Variants in FGF5 observed in about 807,000 individuals in gnomAD.
FGF5 encodes the protein fibroblast growth factor 5.
Under a neutral mutation model 21.8 loss-of-function variants are expected in FGF5, and 23 were observed. The ratio of observed to expected loss-of-function variants is 1.05; its 90% confidence interval spans 0.76 to 1.49. The LOEUF (loss-of-function observed/expected upper bound fraction) is 1.49. FGF5 is among the 40% of genes most tolerant of loss of function. FGF5 has a pLI of 0.00. For synonymous variants in FGF5, 158 were observed against 124.0 expected (o/e 1.27, Z -1.82); for missense variants, 352 against 332.9 (o/e 1.06, Z -0.45).
At position 80,267,145 on chromosome 4, in the gene FGF5, C is replaced by T; in HGVS notation, c.321C>T (p.Gly107=). 3 of 1,612,440 alleles carry T rather than the reference C, an allele frequency of 1.9e-6. No individual in the cohort carries two copies. The highest frequency in any genetic ancestry group is 1.1e-5 in the South Asian group (1 of 90,872). ...TCCATCTGCAGATCTACCCGGATGG[C>T]AAAGTCAATGGATCCCACGAAGCCA... ...IGFHLQIYPD[G]KVNGSHEANM... is the part of the protein sequence containing the mutation. The change falls in exon 1 of 3, where the codon GGC becomes GGT. Residue 107 remains glycine, a synonymous_variant. Transcript: ENST00000312465.
At chr4:80,276,676 A>G (rs1193107971) in intron 2 of FGF5, among the ~76,000 whole-genome samples, 2 of 151,586 alleles carry the variant, frequency 1.3e-5, no homozygotes, top group African/African-American at 4.8e-5. Flanking sequence ...CCAAAGTCCA[A>G]TGTATCATTC....
At chr4:80,275,186 A>T (rs895770925) in intron 2 of FGF5, among the ~76,000 whole-genome samples, 174 bp downstream of exon 2, 3 of 152,158 alleles carry the variant, frequency 2.0e-5, no homozygotes, top group African/African-American at 7.2e-5. Context: ...TAATAATTTA[A>T]ATATTTAATT....
rs770531227 is a variant in FGF5, at chr4:80,266,881, G to A, written c.57G>A (p.Trp19Ter). ...LFFSHLILSA[W>*]AHGEKRLAPK... ...TCAGCCACCTGATCCTCAGCGCCTG[G>A]GCTCACGGGGAGAAGCGTCTCGCCC... Residue 19 changes from tryptophan to a stop codon, truncating the protein, a stop_gained, in exon 1 of 3, where the codon TGG becomes TGA. Coordinates refer to ENST00000312465, the MANE Select transcript of FGF5 (RefSeq NM_004464.4). LOFTEE classifies it high-confidence loss of function. The A allele has an allele frequency of 6.2e-7, 1 of 1,612,590 alleles. No homozygotes were observed. The highest frequency in any genetic ancestry group is 8.5e-7 in the Non-Finnish European group (1 of 1,179,358).
chr4:80,275,624 A>G (rs28737258), intron 2 of FGF5, among the ~76,000 whole-genome samples: 1,969 of 152,112 alleles, frequency 0.013, 42 homozygotes, highest in African/African-American at 0.045. Flanking sequence ...ATTTATTCAG[A>G]CCAGTTTTAT....
intron 2 of FGF5, among the ~76,000 whole-genome samples, chr4:80,280,702 A>G (rs36066020): frequency 0.012 from 1,832 of 152,270 alleles, 38 homozygotes; most frequent in African/African-American, 0.039. Context: ...TATGTAAACC[A>G]CCTGACACAG....
chr4:80,281,042 G>A (rs1720538694), intron 2 of FGF5, among the ~76,000 whole-genome samples: 1 of 152,000 alleles, frequency 6.6e-6, no homozygotes, highest in Non-Finnish European at 1.5e-5. Context: ...GTATTTTGTT[G>A]GTTGCTCAGT....
intron 2 of FGF5, among the ~76,000 whole-genome samples, chr4:80,279,144 A>G (rs1488435227): frequency 6.6e-6 from 1 of 152,184 alleles, no homozygotes; most frequent in Non-Finnish European, 1.5e-5. Flanking sequence ...CTTGAGTGTG[A>G]TGGTAAAGAC....
At chr4:80,280,675 C>T (rs1720528050) in intron 2 of FGF5, among the ~76,000 whole-genome samples, 1 of 152,154 alleles carries the variant, frequency 6.6e-6, no homozygotes, top group African/African-American at 2.4e-5. Context: ...CATGGAATTA[C>T]TGTGAGTTAA....
intron 2 of FGF5, among the ~76,000 whole-genome samples, chr4:80,277,797 A>G (rs1420150250): frequency 2.6e-5 from 4 of 152,126 alleles, no homozygotes; most frequent in African/African-American, 9.6e-5. Flanking sequence ...TAAAATATTA[A>G]TAGAATTCTG....
At position 80,287,683 on chromosome 4, in the gene FGF5, C is replaced by G. The variant is rs1373790492; in HGVS notation, c.*1011C>G. On this transcript the variant is annotated 3_prime_UTR_variant, in exon 3 of 3. Coordinates refer to ENST00000312465, the MANE Select transcript of FGF5 (RefSeq NM_004464.4). Reference sequence around the variant, plus strand: ...AATACTTCTATGACTCTCTGCTATCCCACTGTATAGATCCACAGGGAGCAA... The same window carrying G: ...AATACTTCTATGACTCTCTGCTATCGCACTGTATAGATCCACAGGGAGCAA... 6.6e-6 allele frequency: 1 copy of G among 152,094 alleles called. No individual in the cohort carries two copies. The highest frequency in any genetic ancestry group is 1.5e-5 in the Non-Finnish European group (1 of 68,018). The allele number at this position is 152,094 out of a possible 1,614,324, so 9.4% of individuals were successfully genotyped here.
At chr4:80,268,572 A>C in intron 1 of FGF5, 1 of 973,768 alleles carries the variant, frequency 1.0e-6, no homozygotes, top group Non-Finnish European at 1.2e-6. Context: ...CAAGTGGGTA[A>C]GGCGGTAGGC....
intron 1 of FGF5, among the ~76,000 whole-genome samples, chr4:80,271,539 A>C (rs1036629264): frequency 6.6e-6 from 1 of 152,154 alleles, no homozygotes; most frequent in Non-Finnish European, 1.5e-5. Flanking sequence ...GTGCCTTCTC[A>C]AGCAGGAGAA....
intron 2 of FGF5, among the ~76,000 whole-genome samples, chr4:80,282,944 T>C (rs2109928083): frequency 6.6e-6 from 1 of 152,320 alleles, no homozygotes; most frequent in East Asian, 1.9e-4. Flanking sequence ...TTAGTACCTC[T>C]AGCTAAGACC....
chr4:80,282,559 G>C (rs1720583620), intron 2 of FGF5, among the ~76,000 whole-genome samples: 1 of 152,166 alleles, frequency 6.6e-6, no homozygotes. Flanking sequence ...CACTGTAAAA[G>C]TGGCACCTAG....
chr4:80,272,633 T>C (rs1347238073), intron 1 of FGF5, among the ~76,000 whole-genome samples: 1 of 152,116 alleles, frequency 6.6e-6, no homozygotes, highest in African/African-American at 2.4e-5. Context: ...CTGCCATGTA[T>C]TTTTTCATTA....
chr4:80,286,477 C>G lies in FGF5; in HGVS notation c.612C>G (p.Pro204=), dbSNP rs765511510. ...KRGKAKRGCS[P]RVKPQHISTH... The stretch of plus-strand genomic sequence containing the variant: ...GAAAAGCCAAACGAGGGTGCAGCCC[C>G]CGGGTTAAACCCCAGCATATCTCTA... The change falls in exon 3 of 3, where the codon CCC becomes CCG. Residue 204 remains proline (P), a synonymous_variant. Transcript: ENST00000312465. 3 of 1,613,986 alleles carry G rather than the reference C, an allele frequency of 1.9e-6. No homozygotes were observed. Among genetic ancestry groups the G allele is most frequent in the East Asian group, 4.5e-5 (2 of 44,870 alleles).
At chr4:80,273,397 A>G (rs1185370225) in intron 1 of FGF5, among the ~76,000 whole-genome samples, 3 of 152,186 alleles carry the variant, frequency 2.0e-5, no homozygotes, top group Non-Finnish European at 4.4e-5. Flanking sequence ...ACCAAGTTGA[A>G]TAAATAAACA....
At chr4:80,271,272 T>G (rs1463324114) in intron 1 of FGF5, among the ~76,000 whole-genome samples, 3 of 148,602 alleles carry the variant, frequency 2.0e-5, no homozygotes, top group South Asian at 4.2e-4. Context: ...TAGAAATATG[T>G]TTTTTTTTAC....
Position 80,286,475 on chromosome 4 carries a change from C to A in FGF5, c.610C>A (p.Pro204Thr). 4 of 1,613,892 alleles carry A rather than the reference C, an allele frequency of 2.5e-6. No individual in the cohort carries two copies. Among genetic ancestry groups the A allele is most frequent in the Non-Finnish European group, 2.5e-6 (3 of 1,179,970 alleles). The change falls in exon 3 of 3, where the codon CCC becomes ACC. Residue 204 changes from proline (P) to threonine (T), a missense_variant. Pro to Thr is a conservative substitution (Grantham distance 38, BLOSUM62 -1). Coordinates refer to ENST00000312465, the MANE Select transcript of FGF5 (RefSeq NM_004464.4). ...AGGAAAAGCCAAACGAGGGTGCAGCCCCCGGGTTAAACCCCAGCATATCTC... is the reference window on the plus strand; with the variant it reads ...AGGAAAAGCCAAACGAGGGTGCAGCACCCGGGTTAAACCCCAGCATATCTC... Reference protein sequence around the residue: ...KRGKAKRGCSPRVKPQHISTH... With the variant: ...KRGKAKRGCSTRVKPQHISTH...
Sources: allele counts gnomAD v4.1 joint callset (sites outside exome capture counted in the v4.1 genomes callset), GRCh38; gene constraint gnomAD v4.1.1; transcripts MANE v1.5; gene names NCBI Gene and HGNC (gene_info 2026-07-23, HGNC 2026-07-21).